KIAA0586: variants seen among roughly 807,000 people sequenced by gnomAD.
KIAA0586 encodes protein TALPID3.
A neutral mutation model predicts 169.8 loss-of-function variants in KIAA0586; 144 were observed. That is an observed-to-expected ratio of 0.85 (90% confidence interval 0.74 to 0.97). The LOEUF is 0.97. Ranked by LOEUF, KIAA0586 falls within the 50% of genes least tolerant of loss-of-function variation. The pLI, the probability that KIAA0586 is intolerant of heterozygous loss-of-function variation, is 0.00. For synonymous variants in KIAA0586, 625 were observed against 612.4 expected (o/e 1.02, Z -0.30); for missense variants, 1,854 against 1,823.0 (o/e 1.02, Z -0.31).
At chr14:58,427,554 CCT>C (rs761634383), upstream of KIAA0586, 180 of 1,521,486 alleles carry the variant, frequency 1.2e-4, no homozygotes, top group Non-Finnish European at 1.5e-4. Context: ...TAAATAAACC[CCT>C]GTTATGTCCG....
At chr14:58,488,139 T>C in intron 23 of KIAA0586, 30 bp downstream of exon 23, 1 of 1,470,826 alleles carries the variant, frequency 6.8e-7, no homozygotes, top group Middle Eastern at 1.7e-4. Flanking sequence ...CTAGTAACTG[T>C]ACATTTCAAC....
chr14:58,560,639 C>T, the KIAA0586 span, among the ~76,000 whole-genome samples: 1 of 152,124 alleles, frequency 6.6e-6, no homozygotes, highest in African/African-American at 2.4e-5. Flanking sequence ...TTGCATCTGT[C>T]ACTTAAAGAT....
chr14:58,451,081 C>T (rs922664122), intron 8 of KIAA0586, among the ~76,000 whole-genome samples: 2 of 150,990 alleles, frequency 1.3e-5, no homozygotes, highest in Non-Finnish European at 2.9e-5. Context: ...CTCCGCCTCC[C>T]GGGTTCACCC....
At chr14:58,488,506 A>G in intron 23 of KIAA0586, 115 bp from the exon 24 acceptor site, 2 of 1,232,156 alleles carry the variant, frequency 1.6e-6, no homozygotes, top group Non-Finnish European at 2.2e-6. Flanking sequence ...AGTAGTGCAG[A>G]TTTAAAAAAA....
chr14:58,450,819 T>C (rs1290963736), intron 8 of KIAA0586, 73 bp downstream of exon 8: 1 of 826,192 alleles, frequency 1.2e-6, no homozygotes, highest in East Asian at 2.6e-5. Flanking sequence ...TAGTAGTAAC[T>C]GAAGTGGGAT....
intron 29 of KIAA0586, chr14:58,521,745 CA>C: frequency 1.2e-6 from 1 of 820,754 alleles, no homozygotes; most frequent in African/African-American, 1.7e-5. Context: ...ACAGGGGAAA[CA>C]AGCAGTAGAG....
rs757089002 is a variant in KIAA0586, at chr14:58,537,109, C to T, written c.4430-2962C>T. ...AGGCCGTGTTTGCTGTTTTAATCAT[C>T]AACTGCAGAGCACAATACTCACCCT... On this transcript the variant is annotated intron_variant, in intron 29 of 30. Transcript: ENST00000652326. 38 of 1,229,082 alleles carry T rather than the reference C, an allele frequency of 3.1e-5. 1 individual carries two copies. The Admixed American group carries it at 6.5e-4, about 21-fold the overall frequency. The allele number at this position is 1,229,082 out of a possible 1,614,324, so 76.1% of individuals were successfully genotyped here.
chr14:58,488,190 T>G, intron 23 of KIAA0586, 81 bp downstream of exon 23: 1 of 1,128,622 alleles, frequency 8.9e-7, no homozygotes, highest in South Asian at 1.5e-5. Context: ...CATAGAAATA[T>G]TATACAAAGC....
At chr14:58,553,502 A>T (rs1444126901), downstream of KIAA0586, among the ~76,000 whole-genome samples, 1 of 151,920 alleles carries the variant, frequency 6.6e-6, no homozygotes, top group African/African-American at 2.4e-5. Context: ...CACGGGAGTC[A>T]GTTCATTTGA....
At chr14:58,439,274 A>G (rs953736406) in intron 4 of KIAA0586, among the ~76,000 whole-genome samples, 18 of 151,624 alleles carry the variant, frequency 1.2e-4, no homozygotes, top group African/African-American at 4.4e-4. Flanking sequence ...GCAAGCTCCA[A>G]CTCCTGGGTT....
Position 58,502,567 on chromosome 14 carries a change from G to A in KIAA0586, c.4168+3607G>A, listed in dbSNP as rs568510109. Among the ~76,000 whole-genome samples, 195 of 151,902 alleles carry A rather than the reference G, an allele frequency of 1.3e-3. 1 individual carries two copies. The highest frequency in any genetic ancestry group is 3.6e-3 in the African/African-American group (148 of 41,392). ...TTTAAAAGGTGTAGATACCAGGAGG[G>A]CAGGGATCACTGGGGGCTATCTTGG... On this transcript the variant is annotated intron_variant, in intron 27 of 30. Transcript: ENST00000652326.
intron 26 of KIAA0586, among the ~76,000 whole-genome samples, chr14:58,495,683 C>T (rs1389605962): frequency 1.3e-5 from 2 of 152,030 alleles, no homozygotes; most frequent in Admixed American, 6.6e-5. Flanking sequence ...TAAAATTTAA[C>T]ATAAATCCTG....
chr14:58,516,992 A>T (rs1303380883), intron 29 of KIAA0586, among the ~76,000 whole-genome samples: 3 of 152,190 alleles, frequency 2.0e-5, no homozygotes, highest in Non-Finnish European at 4.4e-5. Flanking sequence ...AAAATGAGCT[A>T]AAAAATGGAT....
At chr14:58,448,162 A>G (rs1267029257) in intron 6 of KIAA0586, among the ~76,000 whole-genome samples, 178 bp from the exon 7 acceptor site, 1 of 152,198 alleles carries the variant, frequency 6.6e-6, no homozygotes, top group Non-Finnish European at 1.5e-5. Flanking sequence ...GTGCTTCTAC[A>G]TCTTTCCAAT....
intron 28 of KIAA0586, among the ~76,000 whole-genome samples, chr14:58,511,651 T>A (rs147444325): frequency 2.5e-3 from 383 of 152,286 alleles, no homozygotes; most frequent in African/African-American, 8.8e-3. Context: ...CATACATGAC[T>A]AACGGCTCTA....
Position 58,525,506 on chromosome 14 carries a change from G to A in KIAA0586, c.4429+12879G>A, listed in dbSNP as rs144726358. ...AAGTGAATCCATGAGGGACTGTGCC[G>A]TGAGAAACGGTGCATTCCGGCCCAG... On this transcript the variant is annotated intron_variant, in intron 29 of 30. Transcript: ENST00000652326. 4.2e-3 allele frequency among the ~76,000 whole-genome samples: 639 copies of A among 152,216 alleles called. 8 individuals are homozygous for A. Among genetic ancestry groups the A allele is most frequent in the African/African-American group, 0.014 (595 of 41,556 alleles).
intron 29 of KIAA0586, among the ~76,000 whole-genome samples, chr14:58,531,446 A>C (rs1317687866): frequency 6.6e-6 from 1 of 152,264 alleles, no homozygotes; most frequent in African/African-American, 2.4e-5. Flanking sequence ...AAGGCTCATC[A>C]TCACTGCTCA....
In KIAA0586 at chr14:58,444,194, G is replaced by C; in HGVS notation, c.807+19G>C. 6.9e-7 allele frequency: 1 copy of C among 1,452,172 alleles called. No individual in the cohort carries two copies. The highest frequency in any genetic ancestry group is 9.6e-7 in the Non-Finnish European group (1 of 1,037,698). 90.0% of individuals were successfully genotyped at this position (1,452,172 alleles called of 1,614,324 possible). On this transcript the variant is annotated intron_variant, in intron 6 of 30. Coordinates refer to ENST00000652326, the MANE Select transcript of KIAA0586 (RefSeq NM_001329943.3). Reference sequence around the variant, plus strand: ...TATTCAGGTATCTGTAATAAATCCAGTACAGATTCCATAATCTTTTATCAC... The same window carrying C: ...TATTCAGGTATCTGTAATAAATCCACTACAGATTCCATAATCTTTTATCAC...
At chr14:58,556,241 G>A (rs1355923378), downstream of KIAA0586, among the ~76,000 whole-genome samples, 2 of 152,208 alleles carry the variant, frequency 1.3e-5, no homozygotes, top group African/African-American at 4.8e-5. Flanking sequence ...CACTTGGGCA[G>A]ACTGAACATT....
Sources: allele counts gnomAD v4.1 joint callset (sites outside exome capture counted in the v4.1 genomes callset), GRCh38; gene constraint gnomAD v4.1.1; transcripts MANE v1.5; gene names NCBI Gene and HGNC (gene_info 2026-07-23, HGNC 2026-07-21).